DNAH14: variants seen among roughly 807,000 people sequenced by gnomAD.
DNAH14 encodes the protein axonemal beta dynein heavy chain 14.
Under a neutral mutation model 520.9 loss-of-function variants are expected in DNAH14, and 478 were observed. That is an observed-to-expected ratio of 0.92 (90% CI 0.85 to 0.99). The LOEUF is 0.99. Among genes scored for constraint, DNAH14 ranks in the 50% least tolerant of loss-of-function variants. DNAH14 has a pLI of 0.00. For synonymous variants in DNAH14, 1,581 were observed against 1,757.2 expected, an observed-to-expected ratio of 0.90 and a Z score of 2.51; for missense variants, 4,831 against 5,234.5, an observed-to-expected ratio of 0.92 and a Z score of 2.38.
At chr1:225,301,239 A>G (rs529864743) in intron 56 of DNAH14, among the ~76,000 whole-genome samples, 17 of 152,280 alleles carry the variant, frequency 1.1e-4, no homozygotes, top group African/African-American at 4.1e-4. Flanking sequence ...CTGGCTATCA[A>G]TGGTTTTAAA....
chr1:225,065,306 C>T (rs1233483343), intron 17 of DNAH14, among the ~76,000 whole-genome samples: 2 of 151,712 alleles, frequency 1.3e-5, no homozygotes, highest in Non-Finnish European at 2.9e-5. Flanking sequence ...AATAATTAAG[C>T]TAATTAACAT....
At chr1:225,398,903 G>C in intron 85 of DNAH14, 151 bp from the exon 86 acceptor site, 1 of 826,880 alleles carries the variant, frequency 1.2e-6, no homozygotes. Flanking sequence ...AAATTCTCCA[G>C]GTATAATTTC....
At chr1:225,031,107 T>C (rs2066489643) in intron 11 of DNAH14, among the ~76,000 whole-genome samples, 1 of 152,082 alleles carries the variant, frequency 6.6e-6, no homozygotes, top group Non-Finnish European at 1.5e-5. Context: ...TGTTTTAAAC[T>C]ACCTATTTCA....
chr1:225,134,436 GA>G (rs1220296164), intron 27 of DNAH14, among the ~76,000 whole-genome samples: 1 of 152,112 alleles, frequency 6.6e-6, no homozygotes, highest in African/African-American at 2.4e-5. Context: ...TTAACATGAA[GA>G]GATGTTGAAT....
intron 68 of DNAH14, among the ~76,000 whole-genome samples, chr1:225,339,163 T>G (rs80282226): frequency 2.9e-5 from 4 of 139,028 alleles, no homozygotes; most frequent in African/African-American, 1.0e-4. Context: ...AAAAAAAAAT[T>G]AGCCAGGTGT....
chr1:225,055,494 G>A (rs183873551), intron 17 of DNAH14, among the ~76,000 whole-genome samples: 1 of 152,010 alleles, frequency 6.6e-6, no homozygotes, highest in Admixed American at 6.6e-5. Context: ...GGGACTACAG[G>A]CATGTACAAC....
At chr1:225,172,413 AG>A (rs1370045418) in intron 36 of DNAH14, among the ~76,000 whole-genome samples, 1 of 152,204 alleles carries the variant, frequency 6.6e-6, no homozygotes, top group Admixed American at 6.5e-5. Context: ...AATTCAGCAA[AG>A]TCTCAGGATA....
intron 37 of DNAH14, among the ~76,000 whole-genome samples, chr1:225,186,420 T>G (rs2084743520): frequency 6.6e-6 from 1 of 151,814 alleles, no homozygotes; most frequent in Non-Finnish European, 1.5e-5. Flanking sequence ...CCTAAAAAGG[T>G]CCAAGCAGGG....
chr1:225,343,423 A>G (rs184207440), intron 69 of DNAH14, among the ~76,000 whole-genome samples: 1 of 152,278 alleles, frequency 6.6e-6, no homozygotes, highest in African/African-American at 2.4e-5. Context: ...TGGGGAGGGC[A>G]TGCCTTTCCT....
intron 38 of DNAH14, among the ~76,000 whole-genome samples, chr1:225,197,565 T>C (rs1439781931): frequency 6.6e-6 from 1 of 152,168 alleles, no homozygotes; most frequent in Non-Finnish European, 1.5e-5. Flanking sequence ...TTGTTTTTTC[T>C]AGTTCTGTGA....
At chr1:225,098,997 T>C (rs914316840) in intron 22 of DNAH14, among the ~76,000 whole-genome samples, 3 of 152,034 alleles carry the variant, frequency 2.0e-5, no homozygotes, top group Non-Finnish European at 2.9e-5. Context: ...AGGAGAAGAA[T>C]GGGACAAGAG....
At chr1:224,932,529 GCCTAATGTCCAGGAGAGTTTTC>G (rs1342312179) in intron 1 of DNAH14, among the ~76,000 whole-genome samples, 1 of 151,560 alleles carries the variant, frequency 6.6e-6, no homozygotes, top group African/African-American at 2.4e-5. Context: ...TATTTGCCTA[GCCTAATGTCCAGGAGAGTTTTC>G]CCTAGTTTTG....
intron 27 of DNAH14, 81 bp from the exon 28 acceptor site, chr1:225,140,687 A>C (rs938527058): frequency 1.8e-6 from 2 of 1,128,510 alleles, no homozygotes; most frequent in Non-Finnish European, 2.5e-6. Context: ...GAAAACATCC[A>C]TTTTAATTTG....
chr1:225,192,012 T>G (rs2085503982), intron 37 of DNAH14, among the ~76,000 whole-genome samples: 1 of 152,106 alleles, frequency 6.6e-6, no homozygotes, highest in Non-Finnish European at 1.5e-5. Context: ...CTGGGCCTGC[T>G]CTGAGTCTAG....
At chr1:224,984,573 T>C (rs1320781946) in intron 8 of DNAH14, among the ~76,000 whole-genome samples, 1 of 151,926 alleles carries the variant, frequency 6.6e-6, no homozygotes, top group Non-Finnish European at 1.5e-5. Flanking sequence ...GCTCTTGCAC[T>C]GCAAAAGGAA....
chr1:225,273,087 T>A lies in DNAH14; in HGVS notation c.7972T>A (p.Tyr2658Asn). The A allele has an allele frequency of 6.4e-7, 1 of 1,550,632 alleles. No homozygotes were observed. Among genetic ancestry groups the A allele is most frequent in the Non-Finnish European group, 8.7e-7 (1 of 1,146,766 alleles). The change falls in exon 52 of 86, where the codon TAT (tyrosine) becomes AAT (asparagine). Residue 2658 changes from tyrosine to asparagine, a missense_variant. By Grantham distance (143) the Tyr-to-Asn change is moderately radical (BLOSUM62 -2). Coordinates refer to ENST00000682510, the MANE Select transcript of DNAH14 (RefSeq NM_001367479.1). ...LIDFTDKSLF[Y>N]RLLSRELENC... Reference sequence around the variant, plus strand: ...TGATTTCACTGATAAAAGCCTTTTCTATCGGTTGCTTTCAAGGGAACTTGA... The same window carrying A: ...TGATTTCACTGATAAAAGCCTTTTCAATCGGTTGCTTTCAAGGGAACTTGA...
At chr1:225,339,877 C>T (rs2095142736) in intron 68 of DNAH14, among the ~76,000 whole-genome samples, 1 of 152,184 alleles carries the variant, frequency 6.6e-6, no homozygotes, top group South Asian at 2.1e-4. Flanking sequence ...CATCATTTCT[C>T]ACATGTAACC....
intron 37 of DNAH14, among the ~76,000 whole-genome samples, chr1:225,187,737 T>C (rs185444644): frequency 6.6e-6 from 1 of 151,908 alleles, no homozygotes; most frequent in South Asian, 2.1e-4. Context: ...ATTGGCCATT[T>C]GTGTATCTTC....
chr1:225,140,956 C>G lies in DNAH14; in HGVS notation c.4443C>G (p.Cys1481Trp). 6.4e-7 allele frequency: 1 copy of G among 1,551,266 alleles called. No individual in the cohort carries two copies. Among genetic ancestry groups the G allele is most frequent in the Non-Finnish European group, 8.7e-7 (1 of 1,146,786 alleles). ...CATTGCTTATCCTTTATGTTCACTG[C>G]AGAGATATAGTGATAAATTTACTAC... ...LGALLILYVH[C>W]RDIVINLLLK... is the part of the protein sequence containing the mutation. Residue 1481 changes from cysteine to tryptophan, a missense_variant, in exon 28 of 86, where the codon TGC (cysteine) becomes TGG (tryptophan). Cys to Trp is a radical substitution (Grantham distance 215). Transcript: ENST00000682510.
Sources: allele counts gnomAD v4.1 joint callset (sites outside exome capture counted in the v4.1 genomes callset), GRCh38; gene constraint gnomAD v4.1.1; transcripts MANE v1.5; gene names NCBI Gene and HGNC (gene_info 2026-07-23, HGNC 2026-07-21).